PDE3B: variants seen among roughly 807,000 people sequenced by gnomAD.
PDE3B encodes phosphodiesterase 3B, also known as cGMP-inhibited 3',5'-cyclic phosphodiesterase 3B.
PDE3B carries 66 observed loss-of-function variants against 116.8 expected under a neutral mutation model. The ratio of observed to expected loss-of-function variants is 0.56; its 90% confidence interval spans 0.46 to 0.69. The LOEUF is 0.69. Among genes scored for constraint, PDE3B ranks in the 30% least tolerant of loss-of-function variants. PDE3B has a pLI of 0.00. For missense variants in PDE3B, 1,384 were observed against 1,368.1 expected, an observed-to-expected ratio of 1.01 and a Z score of -0.18; for synonymous variants, 595 against 533.6, an observed-to-expected ratio of 1.12 and a Z score of -1.59.
At position 14,858,980 on chromosome 11, in the gene PDE3B, T is replaced by G. The variant is rs557194549; in HGVS notation, c.2521-63T>G. On this transcript the variant is annotated intron_variant, in intron 12 of 15. Coordinates refer to ENST00000282096, the MANE Select transcript of PDE3B (RefSeq NM_000922.4). ...TTGTTTGTATACTTCCAACCTGATA[T>G]TAAAGATATTAAACTTTAATATCTT... 355 of 1,152,724 alleles carry G rather than the reference T, an allele frequency of 3.1e-4. 1 individual carries two copies. In the African/African-American group the frequency reaches 5.0e-3, roughly 16 times the overall value. The allele number at this position is 1,152,724 out of a possible 1,614,324, so 71.4% of individuals were successfully genotyped here.
Position 14,854,807 on chromosome 11 carries a change from A to G in PDE3B, c.2521-4236A>G, listed in dbSNP as rs868958680. Among the ~76,000 whole-genome samples the G allele has an allele frequency of 3.3e-5, 5 of 152,258 alleles. 1 individual carries two copies. The highest frequency in any genetic ancestry group is 4.1e-4 in the South Asian group (2 of 4,828). ...TGGGATTACAGGCGTGAGCCACCGC[A>G]CCCAGTTTAAAATTCATTTTTCTAT... On this transcript the variant is annotated intron_variant, in intron 12 of 15. Transcript: ENST00000282096.
chr11:14,713,640 A>T (rs1310053533), intron 1 of PDE3B, among the ~76,000 whole-genome samples: 2 of 152,078 alleles, frequency 1.3e-5, no homozygotes, highest in African/African-American at 4.8e-5. Context: ...AACTCTGCAC[A>T]TGTTAGGTCA....
intron 1 of PDE3B, among the ~76,000 whole-genome samples, chr11:14,769,038 A>T (rs1355801225): frequency 6.6e-6 from 1 of 151,392 alleles, no homozygotes; most frequent in African/African-American, 2.4e-5. Context: ...TATGAAGGGG[A>T]TTTCACAGTA....
At chr11:14,685,195 T>C (rs1565091275) in intron 1 of PDE3B, among the ~76,000 whole-genome samples, 1 of 152,166 alleles carries the variant, frequency 6.6e-6, no homozygotes. Context: ...TTTTGGGAAC[T>C]GATATATGTC....
chr11:14,799,237 C>T lies in PDE3B; in HGVS notation c.1416-4707C>T, dbSNP rs534057488. Among the ~76,000 whole-genome samples the T allele has an allele frequency of 1.3e-4, 20 of 152,214 alleles. No individual in the cohort carries two copies. The South Asian group carries it at 2.5e-3, about 19-fold the overall frequency. ...GTTGTTCAGTTTCCATGTAGTTGTG[C>T]GGTTTCGAGTGAGTTTCCTAATCCT... On this transcript the variant is annotated intron_variant, in intron 4 of 15. Transcript: ENST00000282096.
the PDE3B span, chr11:14,880,177 C>T: frequency 1.9e-5 from 30 of 1,612,664 alleles, no homozygotes; most frequent in East Asian, 4.5e-5. Context: ...AATCGCCCAC[C>T]GTAGCACATT....
chr11:14,797,366 T>A (rs1369885552), intron 4 of PDE3B, among the ~76,000 whole-genome samples: 1 of 152,238 alleles, frequency 6.6e-6, no homozygotes. Context: ...GGTAGCGTGA[T>A]GCCTCCAGCT....
chr11:14,731,479 C>T (rs111504260), intron 1 of PDE3B, among the ~76,000 whole-genome samples: 2 of 151,986 alleles, frequency 1.3e-5, no homozygotes, highest in South Asian at 2.1e-4. Context: ...AGGATGGTCT[C>T]GATCTCCTGA....
chr11:14,884,109 G>A, the PDE3B span, among the ~76,000 whole-genome samples: 2 of 152,024 alleles, frequency 1.3e-5, no homozygotes, highest in Admixed American at 1.3e-4. Flanking sequence ...CAACCATTGT[G>A]GAAGTCAGTG....
intron 2 of PDE3B, chr11:14,775,502 T>A (rs1739235770): frequency 6.6e-6 from 1 of 152,100 alleles, no homozygotes; most frequent in Admixed American, 6.6e-5. Context: ...TTTCTATATC[T>A]CTTTTGAACG....
At chr11:14,768,186 C>G (rs1476050120) in intron 1 of PDE3B, among the ~76,000 whole-genome samples, 1 of 151,398 alleles carries the variant, frequency 6.6e-6, no homozygotes, top group Non-Finnish European at 1.5e-5. Flanking sequence ...ACTTCCTTAC[C>G]TTCCTAAATT....
intron 2 of PDE3B, among the ~76,000 whole-genome samples, chr11:14,782,429 A>C (rs1332820754): frequency 6.6e-6 from 1 of 152,236 alleles, no homozygotes; most frequent in East Asian, 1.9e-4. Context: ...CCAATGGAAC[A>C]GAACAGAGTC....
In PDE3B at chr11:14,710,274, G is replaced by A. The variant is rs186208916; in HGVS notation, c.979-61663G>A. On this transcript the variant is annotated intron_variant, in intron 1 of 15. Coordinates refer to ENST00000282096, the MANE Select transcript of PDE3B (RefSeq NM_000922.4). ...GTCTAGTGTGGGCTCTGGCAGAGAT[G>A]TGGTGCTGAATAGATGATTTATTTT... is the stretch of plus-strand genomic sequence containing the variant. Among the ~76,000 whole-genome samples the A allele has an allele frequency of 1.7e-3, 260 of 152,300 alleles. 7 individuals carry two copies. The South Asian group carries it at 0.037, about 22-fold the overall frequency.
Position 14,713,087 on chromosome 11 carries a change from A to C in PDE3B, c.979-58850A>C, listed in dbSNP as rs112941359. On this transcript the variant is annotated intron_variant, in intron 1 of 15. Transcript: ENST00000282096. ...ATGTGTAAGGTACTAGGATAAACAC[A>C]AAGGATACAAGAAGTCTTTGCCTTA... 8.0e-3 allele frequency among the ~76,000 whole-genome samples: 1,219 copies of C among 152,352 alleles called. 7 individuals are homozygous for C. The highest frequency in any genetic ancestry group is 0.013 in the Non-Finnish European group (871 of 68,030).
chr11:14,806,431 G>A (rs1464936862), intron 5 of PDE3B, among the ~76,000 whole-genome samples: 1 of 150,712 alleles, frequency 6.6e-6, no homozygotes, highest in Non-Finnish European at 1.5e-5. Flanking sequence ...CTGGGTGACA[G>A]AGCAAGACTC....
intron 15 of PDE3B, among the ~76,000 whole-genome samples, chr11:14,868,562 GGAAAATGAAAT>G (rs1206651760): frequency 6.6e-6 from 1 of 152,118 alleles, no homozygotes; most frequent in African/African-American, 2.4e-5. Context: ...TAGTATAAAT[GGAAAATGAAAT>G]GAAAATTATC....
At chr11:14,659,618 A>G (rs1258439832) in intron 1 of PDE3B, among the ~76,000 whole-genome samples, 2 of 152,206 alleles carry the variant, frequency 1.3e-5, no homozygotes, top group Admixed American at 6.5e-5. Context: ...TATTAAGCCT[A>G]GTACCCATTA....
At chr11:14,863,546 G>A (rs1312803971) in intron 14 of PDE3B, among the ~76,000 whole-genome samples, 2 of 152,142 alleles carry the variant, frequency 1.3e-5, no homozygotes, top group Non-Finnish European at 2.9e-5. Context: ...GTTAAGGGCA[G>A]CCAGAGAGAA....
chr11:14,790,268 A>G (rs1221408420), intron 4 of PDE3B, among the ~76,000 whole-genome samples: 1 of 151,902 alleles, frequency 6.6e-6, no homozygotes, highest in Non-Finnish European at 1.5e-5. Context: ...TTGAAGTATG[A>G]AGAGTACTGT....
Sources: allele counts gnomAD v4.1 joint callset (sites outside exome capture counted in the v4.1 genomes callset), GRCh38; gene constraint gnomAD v4.1.1; transcripts MANE v1.5; gene names NCBI Gene and HGNC (gene_info 2026-07-23, HGNC 2026-07-21).